The following TRIM22 variants were observed in gnomAD, a reference collection of about 807,000 sequenced individuals.
The protein encoded by TRIM22 is tripartite motif containing 22.
TRIM22 carries 45 observed loss-of-function variants against 53.6 expected under a neutral mutation model. That is an observed-to-expected ratio of 0.84 (90% CI 0.66 to 1.08). The LOEUF is 1.08. Ranked by LOEUF, TRIM22 falls within the 50% of genes least tolerant of loss-of-function variation. The pLI is 0.00. For synonymous variants in TRIM22, 225 were observed against 216.6 expected (o/e 1.04, Z -0.34); for missense variants, 616 against 590.9 (o/e 1.04, Z -0.44).
intron 5 of TRIM22, among the ~76,000 whole-genome samples, chr11:5,707,881 G>T (rs1036477188): frequency 2.0e-5 from 3 of 152,158 alleles, no homozygotes; most frequent in African/African-American, 7.2e-5. Flanking sequence ...TTTTTAAGAG[G>T]TAGAAAGCAT....
Position 5,697,303 on chromosome 11 carries a change from A to G in TRIM22, c.479A>G (p.Lys160Arg). Residue 160 changes from lysine to arginine, a missense_variant, in exon 3 of 8, where the codon AAG becomes AGG. Lys to Arg is a conservative substitution (Grantham distance 26). Coordinates refer to ENST00000379965, the MANE Select transcript of TRIM22 (RefSeq NM_006074.5). ...RLIKEDQEAE[K>R]LEDDIRQERT... ...ATAAAGGAGGATCAAGAGGCTGAGAAGCTGGAAGATGACATCAGACAAGAG... is the reference window on the plus strand; with the variant it reads ...ATAAAGGAGGATCAAGAGGCTGAGAGGCTGGAAGATGACATCAGACAAGAG... The G allele has an allele frequency of 1.2e-6, 2 of 1,613,858 alleles. No homozygotes were observed. The highest frequency in any genetic ancestry group is 1.7e-6 in the Non-Finnish European group (2 of 1,179,860).
intron 5 of TRIM22, among the ~76,000 whole-genome samples, chr11:5,707,481 T>A (rs1174835714): frequency 6.6e-6 from 1 of 152,172 alleles, no homozygotes; most frequent in Non-Finnish European, 1.5e-5. Context: ...TTTCTAAATA[T>A]TAAATAAGTT....
At chr11:5,693,768 G>A (rs1285723509) in intron 1 of TRIM22, among the ~76,000 whole-genome samples, 5 of 144,428 alleles carry the variant, frequency 3.5e-5, no homozygotes, top group Admixed American at 1.4e-4. Context: ...AGAAAAATAA[G>A]CACTTGTATT....
chr11:5,698,256 A>T, intron 3 of TRIM22, 59 bp from the exon 4 acceptor site: 1 of 1,417,588 alleles, frequency 7.1e-7, no homozygotes, highest in Non-Finnish European at 1.0e-6. Context: ...TCCCAGGCTC[A>T]TACAAAGCAG....
In TRIM22 at chr11:5,709,059, T is replaced by C. The variant is rs751169928; in HGVS notation, c.908T>C (p.Val303Ala). The C allele has an allele frequency of 9.9e-6, 16 of 1,611,860 alleles. No individual in the cohort carries two copies. The African/African-American group carries it at 1.6e-4, about 16-fold the overall frequency. ...TTGGTAATTTTTTCTACAGTGGACG[T>C]GATGCTGAATCCAGGCAGTGCCACT... The part of the protein sequence containing the change: ...LTDVQYYWVD[V>A]MLNPGSATSN... Residue 303 changes from valine (V) to alanine (A), a missense_variant, in exon 8 of 8, where the codon GTG becomes GCG. Physicochemically the swap from Val to Ala is moderately conservative, Grantham distance 64. Transcript: ENST00000379965.
At position 5,697,267 on chromosome 11, in the gene TRIM22, T is replaced by G. The variant is rs766572056; in HGVS notation, c.443T>G (p.Leu148Arg). 5.0e-6 allele frequency: 8 copies of G among 1,612,902 alleles called. No homozygotes were observed. The South Asian group carries it at 7.7e-5, about 16-fold the overall frequency. ...TTACAGGAAAAGCTGCAGGTAGCCC[T>G]GCAGAGGCTGATAAAGGAGGATCAA... Reference protein sequence around the residue: ...KECQEKLQVALQRLIKEDQEA... With the variant: ...KECQEKLQVARQRLIKEDQEA... The change falls in exon 3 of 8, where the codon CTG becomes CGG. Residue 148 changes from leucine to arginine, a missense_variant. Leu to Arg is a moderately radical substitution (Grantham distance 102). Coordinates refer to ENST00000379965, the MANE Select transcript of TRIM22 (RefSeq NM_006074.5).
Position 5,699,392 on chromosome 11 carries a change from C to T in TRIM22, c.750+847C>T, listed in dbSNP as rs372141270. 2.8e-3 allele frequency among the ~76,000 whole-genome samples: 402 copies of T among 143,586 alleles called. 16 individuals carry two copies. In the East Asian group the frequency reaches 0.067, roughly 24 times the overall value. 94.2% of individuals were successfully genotyped at this position (143,586 alleles called of 152,430 possible). The stretch of plus-strand genomic sequence containing the variant: ...ACAAAAAATTAGCCGGGCGCGGTGG[C>T]GGGCGCCTGTAGTCCCAGCTACTCG... On this transcript the variant is annotated intron_variant, in intron 4 of 7. Transcript: ENST00000379965.
Position 5,706,599 on chromosome 11 carries a change from G to A in TRIM22, c.756G>A (p.Val252=). Residue 252 remains valine, a synonymous_variant, in exon 5 of 8, where the codon GTG becomes GTA. Coordinates refer to ENST00000379965, the MANE Select transcript of TRIM22 (RefSeq NM_006074.5). ...GTTTTCTATCTTTTCCCCAGGATGTGATTGACGTCATGAAAAGGTATATGT... is the reference window on the plus strand; with the variant it reads ...GTTTTCTATCTTTTCCCCAGGATGTAATTGACGTCATGAAAAGGTATATGT... ...RGSSVEMLQD[V]IDVMKRSESW... 6.2e-7 allele frequency: 1 copy of A among 1,612,518 alleles called. No individual in the cohort carries two copies. The highest frequency in any genetic ancestry group is 8.5e-7 in the Non-Finnish European group (1 of 1,179,014).
rs141677164 is a variant in TRIM22, at chr11:5,706,983, C to A, written c.773+367C>A. Among the ~76,000 whole-genome samples the A allele has an allele frequency of 4.6e-3, 703 of 151,990 alleles. 14 individuals are homozygous for A. Among genetic ancestry groups the A allele is most frequent in the Admixed American group, 0.04 (616 of 15,256 alleles). ...GACTCCAAATTTTTCAGAGACAGCG[C>A]CTTTATGTTTGTTTTCCTCCCTGAG... On this transcript the variant is annotated intron_variant, in intron 5 of 7. Coordinates refer to ENST00000379965, the MANE Select transcript of TRIM22 (RefSeq NM_006074.5).
intron 1 of TRIM22, among the ~76,000 whole-genome samples, chr11:5,692,639 A>G (rs1290800076): frequency 2.0e-5 from 3 of 152,176 alleles, no homozygotes; most frequent in Non-Finnish European, 4.4e-5. Context: ...CCCAAGGAAC[A>G]GGGGAAATTT....
At chr11:5,695,148 G>T (rs1239257279) in intron 1 of TRIM22, among the ~76,000 whole-genome samples, 3 of 152,154 alleles carry the variant, frequency 2.0e-5, no homozygotes, top group African/African-American at 7.2e-5. Flanking sequence ...GACATTTAAA[G>T]AACAATCTTA....
In TRIM22 at chr11:5,698,463, T is replaced by C; in HGVS notation, c.668T>C (p.Leu223Pro). Residue 223 changes from leucine (L) to proline (P), a missense_variant, in exon 4 of 8, where the codon CTG (leucine) becomes CCG (proline). Transcript: ENST00000379965. The stretch of plus-strand genomic sequence containing the variant: ...AACCTGGCAGCAGCTACAGACCAGC[T>C]GGTCCAGCAGAGGCAGGATGCCAGC... ...LDNLAAATDQ[L>P]VQQRQDASTL... 2.5e-6 allele frequency: 4 copies of C among 1,614,110 alleles called. No homozygotes were observed. Among genetic ancestry groups the C allele is most frequent in the Non-Finnish European group, 3.4e-6 (4 of 1,179,982 alleles).
intron 1 of TRIM22, among the ~76,000 whole-genome samples, chr11:5,693,668 G>T (rs11601911): frequency 1.4e-5 from 2 of 140,904 alleles, no homozygotes; most frequent in African/African-American, 5.4e-5. Context: ...CTGGCAAGGA[G>T]CCGAGATCGC....
At chr11:5,708,131 T>C (rs750865477) in intron 5 of TRIM22, 42 bp from the exon 6 acceptor site, 9 of 1,481,740 alleles carry the variant, frequency 6.1e-6, no homozygotes, top group African/African-American at 4.2e-5. Context: ...TGGAGAGAAA[T>C]AGGGCAAAGG....
chr11:5,697,342 A>T lies in TRIM22; in HGVS notation c.518A>T (p.Lys173Met). ...DDIRQERTAW[K>M]NYIQIERQKI... ...ATCAGACAAGAGAGAACCGCCTGGAAGGCAGGAGGAGACACCTCCTAAGGG... is the reference window on the plus strand; with the variant it reads ...ATCAGACAAGAGAGAACCGCCTGGATGGCAGGAGGAGACACCTCCTAAGGG... The change falls in exon 3 of 8, where the codon AAG becomes ATG. Residue 173 changes from lysine to methionine, a missense_variant and splice_region_variant. Transcript: ENST00000379965. The T allele has an allele frequency of 6.2e-7, 1 of 1,611,438 alleles. No individual in the cohort carries two copies. Among genetic ancestry groups the T allele is most frequent in the Non-Finnish European group, 8.5e-7 (1 of 1,178,556 alleles).
At chr11:5,708,979 AAT>A in intron 7 of TRIM22, 72 bp from the exon 8 acceptor site, 1 of 1,188,926 alleles carries the variant, frequency 8.4e-7, no homozygotes, top group Non-Finnish European at 1.2e-6. Context: ...TTTCATTTTC[AAT>A]ATGTCTCTTC....
rs1182845550 is a variant in TRIM22, at chr11:5,699,493, C to T, written c.750+948C>T. 9.4e-5 allele frequency among the ~76,000 whole-genome samples: 10 copies of T among 106,852 alleles called. 1 individual carries two copies. The highest frequency in any genetic ancestry group is 3.8e-4 in the African/African-American group (8 of 21,288). The allele number at this position is 106,852 out of a possible 152,430, so 70.1% of individuals were successfully genotyped here. A position where few individuals can be genotyped will look rare whatever the true frequency, so the allele number is the denominator to read the frequency against. ...GAACCGAGATTGCGCCACTGCAGTC[C>T]GCAGTCCGGCCTGGGCGACAGAGCG... is the stretch of plus-strand genomic sequence containing the variant. On this transcript the variant is annotated intron_variant, in intron 4 of 7. Transcript: ENST00000379965.
intron 1 of TRIM22, among the ~76,000 whole-genome samples, chr11:5,694,252 A>G (rs1198965876): frequency 1.3e-5 from 2 of 152,206 alleles, no homozygotes; most frequent in Non-Finnish European, 2.9e-5. Context: ...TTATGGATTG[A>G]GACTTTTCTC....
At chr11:5,707,530 C>T (rs1481957903) in intron 5 of TRIM22, among the ~76,000 whole-genome samples, 3 of 152,154 alleles carry the variant, frequency 2.0e-5, no homozygotes, top group East Asian at 3.9e-4. Flanking sequence ...GCATTATTGG[C>T]TGGGTGCAGT....
Sources: allele counts gnomAD v4.1 joint callset (sites outside exome capture counted in the v4.1 genomes callset), GRCh38; gene constraint gnomAD v4.1.1; transcripts MANE v1.5; gene names NCBI Gene and HGNC (gene_info 2026-07-23, HGNC 2026-07-21).